The following SPAG16 variants were observed in gnomAD, a reference collection of about 807,000 sequenced individuals.
SPAG16 encodes sperm associated antigen 16.
In SPAG16, 86 loss-of-function variants were observed where a neutral mutation model predicts 80.4. The observed-to-expected ratio is 1.07, with a 90% CI of 0.90 to 1.28. SPAG16 has a LOEUF of 1.28. Among genes scored for constraint, SPAG16 ranks in the 50% most tolerant of loss-of-function variants. The pLI is 0.00. For synonymous variants in SPAG16, 294 were observed against 265.9 expected (o/e 1.11, Z -1.03); for missense variants, 870 against 765.3 (o/e 1.14, Z -1.61).
At chr2:214,322,295 G>A (rs1272018750) in intron 15 of SPAG16, among the ~76,000 whole-genome samples, 1 of 152,104 alleles carries the variant, frequency 6.6e-6, no homozygotes, top group Non-Finnish European at 1.5e-5. Context: ...AAAACCAGGT[G>A]TTACATTTTT....
At chr2:214,271,698 G>C (rs1315418325) in intron 15 of SPAG16, among the ~76,000 whole-genome samples, 3 of 152,170 alleles carry the variant, frequency 2.0e-5, no homozygotes, top group South Asian at 4.1e-4. Context: ...TACTCGGAAG[G>C]CTGAGGCAGG....
chr2:214,308,231 A>G (rs186969965), intron 15 of SPAG16, among the ~76,000 whole-genome samples: 72 of 151,512 alleles, frequency 4.8e-4, no homozygotes, highest in African/African-American at 1.6e-3. Context: ...TCTGTTTTCC[A>G]TTTTCTTGGT....
intron 13 of SPAG16, among the ~76,000 whole-genome samples, chr2:214,029,565 CCAGAATGATAGCAAAGAGGAAGAT>C (rs2048310706): frequency 6.6e-6 from 1 of 151,542 alleles, no homozygotes; most frequent in Non-Finnish European, 1.5e-5. Context: ...ATGGATGGGA[CCAGAATGATAGCAAAGAGGAAGAT>C]GTGGTTAGAG....
intron 15 of SPAG16, among the ~76,000 whole-genome samples, chr2:214,200,820 AT>A (rs1157366876): frequency 6.6e-6 from 1 of 152,216 alleles, no homozygotes; most frequent in Non-Finnish European, 1.5e-5. Flanking sequence ...CACAGACAAT[AT>A]TACTTAACAC....
intron 10 of SPAG16, among the ~76,000 whole-genome samples, chr2:213,575,482 A>C (rs182447944): frequency 2.6e-5 from 4 of 152,168 alleles, no homozygotes; most frequent in South Asian, 2.1e-4. Context: ...TAATTAATCA[A>C]ATGTTAAGTC....
At chr2:213,492,443 G>C (rs1182607220) in intron 10 of SPAG16, among the ~76,000 whole-genome samples, 1 of 151,958 alleles carries the variant, frequency 6.6e-6, no homozygotes, top group South Asian at 2.1e-4. Context: ...CCAGCTACTC[G>C]GGAGGCTGAG....
At chr2:213,896,473 G>T (rs1184913973) in intron 11 of SPAG16, among the ~76,000 whole-genome samples, 1 of 151,294 alleles carries the variant, frequency 6.6e-6, no homozygotes, top group Non-Finnish European at 1.5e-5. Flanking sequence ...TCAGTATATC[G>T]AAGAGACATT....
intron 9 of SPAG16, among the ~76,000 whole-genome samples, chr2:213,387,005 C>T (rs549426316): frequency 6.6e-6 from 1 of 152,232 alleles, no homozygotes; most frequent in South Asian, 2.1e-4. Flanking sequence ...GATGATTATA[C>T]ATGTGAAACT....
chr2:213,408,885 C>T (rs1211776933), intron 9 of SPAG16, among the ~76,000 whole-genome samples: 1 of 152,130 alleles, frequency 6.6e-6, no homozygotes. Context: ...TAATTAAAAT[C>T]CCAAACTTAG....
At chr2:214,149,109 AT>A (rs773465944) in intron 14 of SPAG16, 30 bp from the exon 15 acceptor site, 4 of 1,297,410 alleles carry the variant, frequency 3.1e-6, no homozygotes, top group East Asian at 3.3e-5. Flanking sequence ...ATACATACAC[AT>A]TTTATTTTTG....
At chr2:213,404,057 A>G (rs1244821399) in intron 9 of SPAG16, among the ~76,000 whole-genome samples, 2 of 152,148 alleles carry the variant, frequency 1.3e-5, no homozygotes, top group African/African-American at 2.4e-5. Context: ...GAAATAAAAG[A>G]GGATACAAAC....
intron 13 of SPAG16, among the ~76,000 whole-genome samples, chr2:214,065,656 T>A (rs2050496499): frequency 6.6e-6 from 1 of 152,158 alleles, no homozygotes; most frequent in Admixed American, 6.6e-5. Context: ...ACCAAATACA[T>A]ATAGTTTATG....
At chr2:214,324,984 A>G (rs1576783574) in intron 15 of SPAG16, among the ~76,000 whole-genome samples, 1 of 152,246 alleles carries the variant, frequency 6.6e-6, no homozygotes, top group South Asian at 2.1e-4. Flanking sequence ...GCAGGAAATG[A>G]CATTTTAATA....
chr2:213,487,358 GT>G (rs1191297337), intron 9 of SPAG16, among the ~76,000 whole-genome samples: 1 of 151,524 alleles, frequency 6.6e-6, no homozygotes, highest in East Asian at 1.9e-4. Flanking sequence ...AAAAGGTTAT[GT>G]TTTTTTTGCT....
chr2:213,942,998 G>A (rs1009924426), intron 12 of SPAG16, among the ~76,000 whole-genome samples: 13 of 152,136 alleles, frequency 8.5e-5, no homozygotes, highest in Admixed American at 8.5e-4. Context: ...TTTCTTTGTT[G>A]TCCACCATGT....
intron 15 of SPAG16, among the ~76,000 whole-genome samples, chr2:214,338,589 T>C (rs1224329659): frequency 3.9e-5 from 6 of 152,348 alleles, no homozygotes; most frequent in African/African-American, 1.4e-4. Context: ...CTTCTATCTT[T>C]TGTTTCTCTC....
chr2:213,285,524 T>C (rs1326022889), intron 1 of SPAG16, among the ~76,000 whole-genome samples: 2 of 152,186 alleles, frequency 1.3e-5, no homozygotes, highest in Non-Finnish European at 2.9e-5. Flanking sequence ...CCAAATCTTA[T>C]TTGTTTGTCC....
intron 10 of SPAG16, among the ~76,000 whole-genome samples, chr2:213,541,047 A>ATAT (rs1287001826): frequency 6.6e-6 from 1 of 152,252 alleles, no homozygotes; most frequent in East Asian, 1.9e-4. Context: ...TAATATTTAC[A>ATAT]TATGTGCTAA....
intron 5 of SPAG16, among the ~76,000 whole-genome samples, chr2:213,319,147 T>C (rs1233949679): frequency 6.6e-6 from 1 of 151,998 alleles, no homozygotes; most frequent in Non-Finnish European, 1.5e-5. Context: ...TATTTATTAA[T>C]TCATTTTTAT....
Sources: allele counts gnomAD v4.1 joint callset (sites outside exome capture counted in the v4.1 genomes callset), GRCh38; gene constraint gnomAD v4.1.1; transcripts MANE v1.5; gene names NCBI Gene and HGNC (gene_info 2026-07-23, HGNC 2026-07-21).